Variants in SLC12A1 observed in about 807,000 individuals in gnomAD.
The protein encoded by SLC12A1 is solute carrier family 12 member 1.
SLC12A1 carries 89 observed loss-of-function variants against 130.4 expected under a neutral mutation model. That is an observed-to-expected ratio of 0.68 (90% CI 0.58 to 0.81). SLC12A1 has a LOEUF of 0.81. Ranked by LOEUF, SLC12A1 falls within the 40% of genes least tolerant of loss-of-function variation. The pLI is 0.00. For missense variants in SLC12A1, 1,310 were observed against 1,336.4 expected (o/e 0.98, Z 0.31); for synonymous variants, 499 against 460.0 (o/e 1.08, Z -1.09).
chr15:48,255,247 G>C (rs982131183), intron 15 of SLC12A1, among the ~76,000 whole-genome samples: 1 of 152,014 alleles, frequency 6.6e-6, no homozygotes, highest in Non-Finnish European at 1.5e-5. Context: ...AGACCAGTCT[G>C]GCCAATATGG....
intron 10 of SLC12A1, among the ~76,000 whole-genome samples, chr15:48,244,164 T>C (rs972081886): frequency 6.6e-6 from 1 of 152,236 alleles, no homozygotes; most frequent in Non-Finnish European, 1.5e-5. Flanking sequence ...GATAGATACC[T>C]GATCAATATA....
chr15:48,304,034 A>G lies in SLC12A1; in HGVS notation c.*1149A>G, dbSNP rs1471288647. The G allele has an allele frequency of 6.6e-6, 1 of 152,204 alleles. No homozygotes were observed. The highest frequency in any genetic ancestry group is 1.5e-5 in the Non-Finnish European group (1 of 68,036). The allele number at this position is 152,204 out of a possible 1,614,324, so 9.4% of individuals were successfully genotyped here. A position where few individuals can be genotyped will look rare whatever the true frequency, so the allele number is the denominator to read the frequency against. ...TTGACTGTTCATTCTAACTGAAAAC[A>G]TATATGGGAAAATATGAACCTGAAA... On this transcript the variant is annotated 3_prime_UTR_variant, in exon 27 of 27. Transcript: ENST00000380993.
At chr15:48,261,337 A>T (rs1417966004) in intron 17 of SLC12A1, among the ~76,000 whole-genome samples, 1 of 152,226 alleles carries the variant, frequency 6.6e-6, no homozygotes, top group African/African-American at 2.4e-5. Flanking sequence ...ACTATAATAC[A>T]GGAGGATAGT....
intron 25 of SLC12A1, among the ~76,000 whole-genome samples, chr15:48,301,012 A>T (rs1003576415): frequency 6.6e-6 from 1 of 152,222 alleles, no homozygotes; most frequent in Admixed American, 6.5e-5. Flanking sequence ...GTGTAGGAAG[A>T]GGCCAGGGTA....
chr15:48,247,685 T>C (rs113118011), intron 13 of SLC12A1, among the ~76,000 whole-genome samples: 20 of 152,316 alleles, frequency 1.3e-4, no homozygotes, highest in African/African-American at 4.6e-4. Flanking sequence ...GTGTTCGAAA[T>C]CCATCCAACC....
chr15:48,250,393 T>G (rs2041632931), intron 14 of SLC12A1, among the ~76,000 whole-genome samples: 1 of 152,206 alleles, frequency 6.6e-6, no homozygotes. Context: ...TGGAAAAACT[T>G]GCTGCCAATA....
chr15:48,246,976 CCG>C lies in SLC12A1; in HGVS notation c.1522_1523del (p.Ala508ProfsTer35). The C allele has an allele frequency of 6.2e-7, 1 of 1,613,980 alleles. No individual in the cohort carries two copies. The highest frequency in any genetic ancestry group is 2.2e-5 in the East Asian group (1 of 44,874). ...GGAATCTTTTCTGCAACACTCTCCTCCGCCCTGGCCTCCCTTGTCAGCGCACC... is the reference window on the plus strand; with the variant it reads ...GGAATCTTTTCTGCAACACTCTCCTCCCCTGGCCTCCCTTGTCAGCGCACC... On this transcript the variant is annotated frameshift_variant, in exon 12 of 27. Transcript: ENST00000380993. LOFTEE classifies it high-confidence loss of function.
At chr15:48,270,175 A>G (rs1293728889) in intron 19 of SLC12A1, among the ~76,000 whole-genome samples, 2 of 152,134 alleles carry the variant, frequency 1.3e-5, no homozygotes, top group Non-Finnish European at 2.9e-5. Flanking sequence ...CCAGAGCCCT[A>G]TATCTCCCTC....
chr15:48,255,854 T>A lies in SLC12A1; in HGVS notation c.1986T>A (p.Ser662Arg), dbSNP rs1266572683. Residue 662 changes from serine to arginine, a missense_variant, in exon 16 of 27, where the codon AGT becomes AGA. Transcript: ENST00000380993. Reference sequence around the variant, plus strand: ...CCACACAGGCTCTTTCCTACGTGAGTGCTTTAGACAATGCTCTGGAATTAA... The same window carrying A: ...CCACACAGGCTCTTTCCTACGTGAGAGCTTTAGACAATGCTCTGGAATTAA... ...GSSTQALSYV[S>R]ALDNALELTT... 3.1e-6 allele frequency: 5 copies of A among 1,608,398 alleles called. No homozygotes were observed. The highest frequency in any genetic ancestry group is 2.2e-5 in the South Asian group (2 of 89,390).
chr15:48,258,506 A>C (rs914096143), intron 16 of SLC12A1, among the ~76,000 whole-genome samples: 1 of 152,060 alleles, frequency 6.6e-6, no homozygotes, highest in East Asian at 1.9e-4. Flanking sequence ...ATGAGTCTCT[A>C]TGAAATTCCA....
intron 23 of SLC12A1, among the ~76,000 whole-genome samples, chr15:48,290,096 T>C (rs991971405): frequency 6.6e-6 from 1 of 152,228 alleles, no homozygotes; most frequent in African/African-American, 2.4e-5. Context: ...TTTATATCCT[T>C]ATTCTATAAG....
At chr15:48,274,718 T>C in intron 20 of SLC12A1, 65 bp downstream of exon 20, 1 of 1,116,436 alleles carries the variant, frequency 9.0e-7, no homozygotes, top group Non-Finnish European at 1.3e-6. Context: ...CTGACATTGT[T>C]ATGGGATACA....
At position 48,267,662 on chromosome 15, in the gene SLC12A1, G is replaced by A. The variant is rs149454210; in HGVS notation, c.2256G>A (p.Ala752=). The A allele has an allele frequency of 3.5e-5, 57 of 1,613,354 alleles. No homozygotes were observed. Among genetic ancestry groups the A allele is most frequent in the Admixed American group, 3.0e-4 (18 of 59,970 alleles). The change falls in exon 18 of 27, where the codon GCG becomes GCA. Residue 752 remains alanine (A), a synonymous_variant. Transcript: ENST00000380993. ...TCAAGGCTTTTTATGCTGCAGTGGC[G>A]GCAGACTGTTTCAGGGATGGTGTCC... ...NKIKAFYAAV[A]ADCFRDGVRS...
At chr15:48,255,754 A>G in intron 15 of SLC12A1, 57 bp from the exon 16 acceptor site, 3 of 1,066,580 alleles carry the variant, frequency 2.8e-6, no homozygotes, top group South Asian at 2.9e-5. Flanking sequence ...AAAATTATTC[A>G]TGGTGCACAG....
chr15:48,235,064 A>G, intron 9 of SLC12A1, 60 bp downstream of exon 9: 1 of 1,557,082 alleles, frequency 6.4e-7, no homozygotes, highest in Non-Finnish European at 8.8e-7. Context: ...TGGGTAGCAC[A>G]AGGAGCTAGA....
At chr15:48,255,704 C>A in intron 15 of SLC12A1, 107 bp from the exon 16 acceptor site, 1 of 728,596 alleles carries the variant, frequency 1.4e-6, no homozygotes, top group Non-Finnish European at 2.3e-6. Flanking sequence ...CTCATCTTTG[C>A]TGGCATAGCC....
intron 24 of SLC12A1, among the ~76,000 whole-genome samples, chr15:48,296,623 A>G (rs887718955): frequency 6.6e-6 from 1 of 152,214 alleles, no homozygotes; most frequent in Non-Finnish European, 1.5e-5. Context: ...ATATTATGCA[A>G]TTTAAAAATT....
intron 10 of SLC12A1, among the ~76,000 whole-genome samples, chr15:48,243,827 A>G (rs1412201350): frequency 6.6e-6 from 1 of 152,222 alleles, no homozygotes; most frequent in African/African-American, 2.4e-5. Context: ...TAGAGTTTGA[A>G]ATCCAAAGCA....
In SLC12A1 at chr15:48,302,993, G is replaced by T; in HGVS notation, c.*108G>T. ...ATCTATGGATATGCAAACCTCTGGA[G>T]AGGATCCTACCAGATTCTACATACA... On this transcript the variant is annotated 3_prime_UTR_variant, in exon 27 of 27. Coordinates refer to ENST00000380993, the MANE Select transcript of SLC12A1 (RefSeq NM_000338.3). 1.2e-6 allele frequency: 1 copy of T among 866,662 alleles called. No homozygotes were observed. The highest frequency in any genetic ancestry group is 1.7e-6 in the Non-Finnish European group (1 of 577,148). The allele number at this position is 866,662 out of a possible 1,614,324, so 53.7% of individuals were successfully genotyped here. A position where few individuals can be genotyped will look rare whatever the true frequency, so the allele number is the denominator to read the frequency against.
Sources: gnomAD v4.1 joint callset for allele counts (sites outside exome capture counted in the v4.1 genomes callset) on GRCh38, gnomAD v4.1.1 for gene constraint, MANE v1.5 for transcripts, NCBI Gene and HGNC (gene_info 2026-07-23, HGNC 2026-07-21) for gene names.